Variants in GNRHR observed in about 807,000 individuals in gnomAD.
GNRHR encodes the protein gonadotropin releasing hormone receptor.
A neutral mutation model predicts 28.1 loss-of-function variants in GNRHR; 14 were observed. The observed-to-expected ratio is 0.50, with a 90% CI of 0.33 to 0.78. GNRHR has a LOEUF of 0.78. Ranked by LOEUF, GNRHR falls within the 30% of genes least tolerant of loss-of-function variation. GNRHR has a pLI of 0.02. For missense variants in GNRHR, 366 were observed against 382.1 expected, an observed-to-expected ratio of 0.96 and a Z score of 0.35; for synonymous variants, 141 against 140.5, an observed-to-expected ratio of 1.00 and a Z score of -0.02.
chr4:67,752,468 C>T (rs1197749115), intron 1 of GNRHR, among the ~76,000 whole-genome samples: 1 of 151,960 alleles, frequency 6.6e-6, no homozygotes, highest in Non-Finnish European at 1.5e-5. Flanking sequence ...AGTGATCCTC[C>T]CACCACAACC....
chr4:67,748,095 A>G (rs1034985298), intron 1 of GNRHR, among the ~76,000 whole-genome samples: 1 of 151,880 alleles, frequency 6.6e-6, no homozygotes, highest in East Asian at 1.9e-4. Context: ...GGTTCTTATC[A>G]GTGTTTGCTT....
At chr4:67,745,950 T>C (rs1449774137) in intron 1 of GNRHR, among the ~76,000 whole-genome samples, 1 of 152,056 alleles carries the variant, frequency 6.6e-6, no homozygotes, top group Non-Finnish European at 1.5e-5. Flanking sequence ...GAGAAATGGT[T>C]CCAGCTAAAA....
At chr4:67,744,419 T>G in intron 2 of GNRHR, 149 bp downstream of exon 2, 1 of 642,512 alleles carries the variant, frequency 1.6e-6, no homozygotes, top group South Asian at 1.7e-5. Flanking sequence ...AATAAAAATA[T>G]TACCTTATGG....
chr4:67,753,928 G>C lies in GNRHR; in HGVS notation c.408C>G (p.Ser136Arg). ...TCGTGATAGCCAGGGAGCGGTCCAG[G>C]CTGATCACCACCATCATGAAGGCTG... ...YAPAFMMVVISLDRSLAITRP... is the reference protein window; with the variant it reads ...YAPAFMMVVIRLDRSLAITRP... Residue 136 changes from serine to arginine, a missense_variant, in exon 1 of 3, where the codon AGC becomes AGG. Coordinates refer to ENST00000226413, the MANE Select transcript of GNRHR (RefSeq NM_000406.3). 6.2e-7 allele frequency: 1 copy of C among 1,614,000 alleles called. No individual in the cohort carries two copies. Among genetic ancestry groups the C allele is most frequent in the Non-Finnish European group, 8.5e-7 (1 of 1,179,938 alleles).
intron 1 of GNRHR, among the ~76,000 whole-genome samples, chr4:67,752,529 A>G (rs1473586205): frequency 6.6e-6 from 1 of 152,204 alleles, no homozygotes; most frequent in African/African-American, 2.4e-5. Flanking sequence ...AAGTGGAAAG[A>G]AAGAATGTGG....
chr4:67,747,010 T>C (rs1392833800), intron 1 of GNRHR, among the ~76,000 whole-genome samples: 3 of 152,174 alleles, frequency 2.0e-5, no homozygotes, highest in Non-Finnish European at 4.4e-5. Flanking sequence ...CTTTTAGTTT[T>C]CTGTAATTCT....
chr4:67,738,848 G>T lies in GNRHR; in HGVS notation c.*1632C>A, dbSNP rs1731601136. Among the ~76,000 whole-genome samples the T allele has an allele frequency of 6.6e-6, 1 of 151,856 alleles. No homozygotes were observed. Among genetic ancestry groups the T allele is most frequent in the Admixed American group, 6.6e-5 (1 of 15,226 alleles). On this transcript the variant is annotated 3_prime_UTR_variant, in exon 3 of 3. Coordinates refer to ENST00000226413, the MANE Select transcript of GNRHR (RefSeq NM_000406.3). ...AATGGAAAAGAAGCTATGAATGAAA[G>T]AGTGAGTAGACAGAGGGAGTTCAAT...
chr4:67,747,064 A>G (rs941238030), intron 1 of GNRHR, among the ~76,000 whole-genome samples: 9 of 152,150 alleles, frequency 5.9e-5, no homozygotes, highest in African/African-American at 1.9e-4. Context: ...AATTAGATCC[A>G]ACAGAGGCTG....
At chr4:67,747,344 C>A in intron 1 of GNRHR, 1 of 168,232 alleles carries the variant, frequency 5.9e-6, no homozygotes, top group East Asian at 1.6e-4. Flanking sequence ...ACAAAGGTCT[C>A]TGGCCCAATG....
chr4:67,747,719 T>A (rs1483575661), intron 1 of GNRHR, among the ~76,000 whole-genome samples: 1 of 152,168 alleles, frequency 6.6e-6, no homozygotes, highest in African/African-American at 2.4e-5. Context: ...CACATGCTTA[T>A]TTTTTAAGCA....
At chr4:67,746,564 G>T (rs1234583988) in intron 1 of GNRHR, among the ~76,000 whole-genome samples, 1 of 151,886 alleles carries the variant, frequency 6.6e-6, no homozygotes, top group African/African-American at 2.4e-5. Context: ...TTTTTAAATT[G>T]ATAGCAAGTA....
At chr4:67,748,985 A>G (rs1292496933) in intron 1 of GNRHR, among the ~76,000 whole-genome samples, 1 of 152,132 alleles carries the variant, frequency 6.6e-6, no homozygotes, top group Middle Eastern at 3.2e-3. Flanking sequence ...TTATTTATTT[A>G]ATATTTATTC....
intron 1 of GNRHR, among the ~76,000 whole-genome samples, chr4:67,752,248 C>T (rs987588278): frequency 2.6e-5 from 4 of 151,736 alleles, no homozygotes; most frequent in East Asian, 1.9e-4. Flanking sequence ...ATTCTGTCAC[C>T]GAGATTGCAG....
At chr4:67,750,347 C>A (rs1577871196) in intron 1 of GNRHR, among the ~76,000 whole-genome samples, 1 of 152,204 alleles carries the variant, frequency 6.6e-6, no homozygotes, top group African/African-American at 2.4e-5. Flanking sequence ...AGAGCAGCTC[C>A]ACTTATATCT....
chr4:67,752,423 A>G lies in GNRHR; in HGVS notation c.522+1391T>C, dbSNP rs886573581. 1.9e-4 allele frequency among the ~76,000 whole-genome samples: 29 copies of G among 151,578 alleles called. 1 individual carries two copies. The highest frequency in any genetic ancestry group is 6.8e-4 in the African/African-American group (28 of 41,230). On this transcript the variant is annotated intron_variant, in intron 1 of 2. Coordinates refer to ENST00000226413, the MANE Select transcript of GNRHR (RefSeq NM_000406.3). ...TAATTTGTTGATATGGGGCCTCCCTATATTGCCCAGTCTGGTCTCGAACTC... is the reference window on the plus strand; with the variant it reads ...TAATTTGTTGATATGGGGCCTCCCTGTATTGCCCAGTCTGGTCTCGAACTC...
intron 1 of GNRHR, among the ~76,000 whole-genome samples, chr4:67,750,562 C>T (rs1277799296): frequency 6.6e-6 from 1 of 152,054 alleles, no homozygotes; most frequent in Non-Finnish European, 1.5e-5. Context: ...GCCGAATTAT[C>T]ACAGAACATA....
intron 2 of GNRHR, among the ~76,000 whole-genome samples, chr4:67,741,381 G>T (rs1361367913): frequency 1.3e-5 from 2 of 151,992 alleles, no homozygotes; most frequent in East Asian, 3.9e-4. Flanking sequence ...CCATTATTTT[G>T]TTCCTTTTTT....
At chr4:67,745,959 A>C (rs1023088957) in intron 1 of GNRHR, among the ~76,000 whole-genome samples, 1 of 152,162 alleles carries the variant, frequency 6.6e-6, no homozygotes, top group African/African-American at 2.4e-5. Flanking sequence ...TTCCAGCTAA[A>C]AGAATACTAA....
chr4:67,753,876 T>G lies in GNRHR; in HGVS notation c.460A>C (p.Lys154Gln), dbSNP rs767057818. 9.3e-6 allele frequency: 15 copies of G among 1,613,868 alleles called. No homozygotes were observed. In the South Asian group the frequency reaches 1.4e-4, roughly 15 times the overall value. The change falls in exon 1 of 3, where the codon AAA (lysine) becomes CAA (glutamine). Residue 154 changes from lysine to glutamine, a missense_variant. Coordinates refer to ENST00000226413, the MANE Select transcript of GNRHR (RefSeq NM_000406.3). ...TRPLALKSNS[K>Q]VGQSMVGLAW... The stretch of plus-strand genomic sequence containing the variant: ...AGGCCAACCATGGACTGTCCGACTT[T>G]GCTGTTGCTTTTCAAAGCTAGGGGC...
Sources: allele counts gnomAD v4.1 joint callset (sites outside exome capture counted in the v4.1 genomes callset), GRCh38; gene constraint gnomAD v4.1.1; transcripts MANE v1.5; gene names NCBI Gene and HGNC (gene_info 2026-07-23, HGNC 2026-07-21).